Variants in DACH1 observed in about 807,000 individuals in gnomAD.
DACH1 encodes dachshund family transcription factor 1.
In DACH1, 12 loss-of-function variants were observed where a neutral mutation model predicts 54.2. That is an observed-to-expected ratio of 0.22 (90% confidence interval 0.14 to 0.36). The LOEUF (loss-of-function observed/expected upper bound fraction) is 0.36, where lower values mean the gene tolerates loss of function less well. DACH1 is among the 10% of genes least tolerant of loss of function. The pLI is 1.00. For synonymous variants in DACH1, 386 were observed against 366.2 expected (o/e 1.05, Z -0.62); for missense variants, 805 against 929.8 (o/e 0.87, Z 1.75).
Position 71,516,283 on chromosome 13 carries a change from A to G in DACH1, c.1571-27135T>C, listed in dbSNP as rs533690598. Among the ~76,000 whole-genome samples, 739 of 151,952 alleles carry G rather than the reference A, an allele frequency of 4.9e-3. 3 individuals carry two copies. The highest frequency in any genetic ancestry group is 0.01 in the Middle Eastern group (3 of 294). ...GTATTTTCCCATTCCACTTGCTCAA[A>G]TAGTACAATTAAAATAATTCCCCTA... On this transcript the variant is annotated intron_variant, in intron 6 of 10. Coordinates refer to ENST00000613252, the MANE Select transcript of DACH1 (RefSeq NM_080759.6).
intron 2 of DACH1, among the ~76,000 whole-genome samples, chr13:71,680,265 A>T (rs891298947): frequency 3.0e-4 from 46 of 152,172 alleles, no homozygotes; most frequent in African/African-American, 1.0e-3. Context: ...GCATGAAATT[A>T]GTATAAAAAT....
At chr13:71,662,640 C>T (rs1406574541) in intron 2 of DACH1, among the ~76,000 whole-genome samples, 1 of 152,028 alleles carries the variant, frequency 6.6e-6, no homozygotes, top group East Asian at 1.9e-4. Context: ...TCAGTGATTG[C>T]CTTGAATCTT....
At chr13:71,701,069 G>A (rs1882114536) in intron 1 of DACH1, among the ~76,000 whole-genome samples, 1 of 152,066 alleles carries the variant, frequency 6.6e-6, no homozygotes, top group African/African-American at 2.4e-5. Context: ...TGATCTTAAA[G>A]CATAAGTAGA....
chr13:71,818,597 G>A (rs1374352882), intron 1 of DACH1, among the ~76,000 whole-genome samples: 2 of 152,150 alleles, frequency 1.3e-5, no homozygotes, highest in African/African-American at 4.8e-5. Flanking sequence ...CTTCAAGGAA[G>A]CCACTTCCTA....
intron 6 of DACH1, among the ~76,000 whole-genome samples, chr13:71,528,160 G>C (rs750691953): frequency 1.1e-4 from 16 of 152,186 alleles, no homozygotes; most frequent in Admixed American, 3.3e-4. Flanking sequence ...ATGTTGTTGT[G>C]TTTTTCAAAG....
chr13:71,699,488 A>T (rs1274480905), intron 1 of DACH1, among the ~76,000 whole-genome samples: 1 of 152,198 alleles, frequency 6.6e-6, no homozygotes, highest in Non-Finnish European at 1.5e-5. Context: ...ATATCTTCCC[A>T]GAAGGCATGG....
intron 1 of DACH1, chr13:71,704,600 C>T: frequency 2.2e-6 from 1 of 455,166 alleles, no homozygotes; most frequent in Non-Finnish European, 4.4e-6. Context: ...TTTATGAGAA[C>T]CCATGGCAGG....
At chr13:71,755,188 CTCAA>C (rs1476938533) in intron 1 of DACH1, among the ~76,000 whole-genome samples, 1 of 151,966 alleles carries the variant, frequency 6.6e-6, no homozygotes, top group Non-Finnish European at 1.5e-5. Flanking sequence ...TATAGCAGAC[CTCAA>C]TCAAGTATAG....
intron 1 of DACH1, among the ~76,000 whole-genome samples, chr13:71,772,672 CA>C (rs1885908119): frequency 6.6e-6 from 1 of 151,604 alleles, no homozygotes. Context: ...GTAAAAATAT[CA>C]AAGTGACATC....
At chr13:71,647,561 G>T (rs532970363) in intron 2 of DACH1, among the ~76,000 whole-genome samples, 1 of 152,154 alleles carries the variant, frequency 6.6e-6, no homozygotes, top group East Asian at 1.9e-4. Context: ...CATCTAAAAG[G>T]CTCTAACTGG....
Position 71,604,889 on chromosome 13 carries a change from T to G in DACH1, c.1126+25667A>C, listed in dbSNP as rs201425903. Among the ~76,000 whole-genome samples the G allele has an allele frequency of 7.2e-5, 11 of 151,802 alleles. No homozygotes were observed. The East Asian group carries it at 2.1e-3, about 29-fold the overall frequency. ...TTAATCAAAATAGCAAACAGGGAACTAAAACACCTCCTTTGGTCTCATTTA... is the reference window on the plus strand; with the variant it reads ...TTAATCAAAATAGCAAACAGGGAACGAAAACACCTCCTTTGGTCTCATTTA... On this transcript the variant is annotated intron_variant, in intron 3 of 10. Coordinates refer to ENST00000613252, the MANE Select transcript of DACH1 (RefSeq NM_080759.6).
chr13:71,732,332 C>A (rs948346298), intron 1 of DACH1, among the ~76,000 whole-genome samples: 1 of 152,068 alleles, frequency 6.6e-6, no homozygotes, highest in Non-Finnish European at 1.5e-5. Context: ...CACCTGTAAT[C>A]CCAGCACTTT....
chr13:71,704,993 G>A (rs1049310016), intron 1 of DACH1, among the ~76,000 whole-genome samples: 1 of 152,028 alleles, frequency 6.6e-6, no homozygotes, highest in Admixed American at 6.6e-5. Context: ...AATAAATTCG[G>A]TAATTTCTCT....
At chr13:71,655,466 G>C (rs1472881007) in intron 2 of DACH1, among the ~76,000 whole-genome samples, 1 of 151,192 alleles carries the variant, frequency 6.6e-6, no homozygotes, top group Non-Finnish European at 1.5e-5. Flanking sequence ...TGCCTCCCAG[G>C]TTCAAGCGAT....
At chr13:71,469,928 TGGATGTAAATAAAAGAGTTGTACTTTCAA>T (rs1876920507) in intron 10 of DACH1, among the ~76,000 whole-genome samples, 1 of 152,186 alleles carries the variant, frequency 6.6e-6, no homozygotes, top group South Asian at 2.1e-4. Flanking sequence ...TTATGGTCAT[TGGATGTAAATAAAAGAGTTGTACTTTCAA>T]GTGAAGTCAA....
Position 71,497,491 on chromosome 13 carries a change from C to A in DACH1, c.1571-8343G>T, listed in dbSNP as rs565088248. On this transcript the variant is annotated intron_variant, in intron 6 of 10. Coordinates refer to ENST00000613252, the MANE Select transcript of DACH1 (RefSeq NM_080759.6). ...GGGTTACAGATATGGGCCACCGTAC[C>A]GGGCTAATTTTGTATTTGTTGGTAG... 2.1e-4 allele frequency among the ~76,000 whole-genome samples: 32 copies of A among 152,006 alleles called. No homozygotes were observed. In the South Asian group the frequency reaches 6.0e-3, roughly 29 times the overall value.
At chr13:71,849,529 C>A (rs1873522969) in intron 1 of DACH1, among the ~76,000 whole-genome samples, 1 of 152,158 alleles carries the variant, frequency 6.6e-6, no homozygotes, top group Non-Finnish European at 1.5e-5. Flanking sequence ...ATGGCCAAAA[C>A]CCTTTTTTCT....
At chr13:71,451,265 A>C (rs906049253) in intron 10 of DACH1, among the ~76,000 whole-genome samples, 1 of 152,146 alleles carries the variant, frequency 6.6e-6, no homozygotes, top group Non-Finnish European at 1.5e-5. Context: ...TAGGACCCAG[A>C]CTATCATCTC....
intron 7 of DACH1, 66 bp from the exon 8 acceptor site, chr13:71,479,382 A>G: frequency 1.3e-6 from 2 of 1,518,100 alleles, no homozygotes; most frequent in Non-Finnish European, 1.8e-6. Context: ...CATTACTTAA[A>G]AGCATTTTCA....
Sources: gnomAD v4.1 joint callset for allele counts (sites outside exome capture counted in the v4.1 genomes callset) on GRCh38, gnomAD v4.1.1 for gene constraint, MANE v1.5 for transcripts, NCBI Gene and HGNC (gene_info 2026-07-23, HGNC 2026-07-21) for gene names.